The following NTRK2 variants were observed in gnomAD, a reference collection of about 807,000 sequenced individuals.
The protein encoded by NTRK2 is neurotrophic receptor tyrosine kinase 2, also known as BDNF/NT-3 growth factors receptor.
NTRK2 carries 13 observed loss-of-function variants against 94.5 expected under a neutral mutation model. The ratio of observed to expected loss-of-function variants is 0.14; its 90% CI spans 0.09 to 0.22. The LOEUF is 0.22. Ranked by LOEUF, NTRK2 falls within the 10% of genes least tolerant of loss-of-function variation. The probability of loss-of-function intolerance (pLI) is 1.00; values close to 1 mark genes in which losing one functional copy is unlikely to be tolerated. For synonymous variants in NTRK2, 372 were observed against 407.4 expected (o/e 0.91, Z 1.05); for missense variants, 639 against 1,071.2 (o/e 0.60, Z 5.63).
At chr9:84,819,813 G>GATCC (rs2072671077) in intron 12 of NTRK2, among the ~76,000 whole-genome samples, 1 of 152,156 alleles carries the variant, frequency 6.6e-6, no homozygotes, top group Non-Finnish European at 1.5e-5. Context: ...GTTGGTAAGG[G>GATCC]CTTCCCACTG....
chr9:84,948,363 T>G, intron 15 of NTRK2, 99 bp from the exon 16 acceptor site: 1 of 1,260,510 alleles, frequency 7.9e-7, no homozygotes, highest in Non-Finnish European at 1.1e-6. Flanking sequence ...ACTAGGCTGT[T>G]TTCTCATCTT....
intron 17 of NTRK2, among the ~76,000 whole-genome samples, chr9:85,007,198 G>T (rs1831067619): frequency 1.3e-5 from 2 of 152,222 alleles, no homozygotes; most frequent in Admixed American, 6.5e-5. Context: ...TGCTTTTGGT[G>T]CCTAAGAACA....
chr9:84,948,713 C>G (rs2132890895), intron 16 of NTRK2, 79 bp downstream of exon 16: 1 of 1,325,268 alleles, frequency 7.5e-7, no homozygotes, highest in Non-Finnish European at 1.1e-6. Context: ...TGGGAGGGAA[C>G]AAGGGACCCC....
At chr9:84,782,026 G>T (rs369487490) in intron 12 of NTRK2, among the ~76,000 whole-genome samples, 20 of 134,690 alleles carry the variant, frequency 1.5e-4, no homozygotes, top group East Asian at 1.3e-3. Context: ...TTATAAGATG[G>T]CCTCCAAGAA....
chr9:84,702,313 C>A, intron 3 of NTRK2, 35 bp from the exon 4 acceptor site: 1 of 1,610,388 alleles, frequency 6.2e-7, no homozygotes, highest in Non-Finnish European at 8.5e-7. Context: ...TTCACTGGTT[C>A]GTTCTAATGT....
At chr9:84,896,664 T>C (rs1345015904) in intron 14 of NTRK2, among the ~76,000 whole-genome samples, 1 of 152,212 alleles carries the variant, frequency 6.6e-6, no homozygotes, top group African/African-American at 2.4e-5. Flanking sequence ...CAAAATGCTT[T>C]TTTCCCCTAT....
chr9:84,830,803 C>T (rs1340495056), intron 12 of NTRK2, among the ~76,000 whole-genome samples: 1 of 151,828 alleles, frequency 6.6e-6, no homozygotes, highest in Non-Finnish European at 1.5e-5. Flanking sequence ...TTTAAAAATC[C>T]TACTGGCATT....
intron 12 of NTRK2, among the ~76,000 whole-genome samples, chr9:84,775,567 A>G (rs947959396): frequency 3.3e-5 from 5 of 152,168 alleles, no homozygotes; most frequent in African/African-American, 1.2e-4. Flanking sequence ...TTTGAATAGA[A>G]TGTGTATATA....
intron 12 of NTRK2, among the ~76,000 whole-genome samples, chr9:84,807,274 G>T (rs556198776): frequency 0.01 from 1,598 of 152,290 alleles, 13 homozygotes; most frequent in Admixed American, 0.017. Context: ...TGATAAAAAA[G>T]CAGAGCACTT....
chr9:84,695,836 CCTTTT>C (rs1430089790), intron 2 of NTRK2, among the ~76,000 whole-genome samples: 1 of 152,160 alleles, frequency 6.6e-6, no homozygotes, highest in Non-Finnish European at 1.5e-5. Flanking sequence ...CTTCTTAAAA[CCTTTT>C]CTTTTTGGCT....
intron 14 of NTRK2, among the ~76,000 whole-genome samples, chr9:84,904,791 C>T (rs1458164353): frequency 6.6e-6 from 1 of 152,170 alleles, no homozygotes; most frequent in Admixed American, 6.5e-5. Context: ...AAAGTCCAAT[C>T]TCTGGCTTTG....
intron 9 of NTRK2, 93 bp downstream of exon 9, chr9:84,728,052 C>A: frequency 8.4e-7 from 1 of 1,192,446 alleles, no homozygotes; most frequent in Non-Finnish European, 1.2e-6. Context: ...ATCCCCCAAC[C>A]TAGTGGCTTA....
intron 17 of NTRK2, among the ~76,000 whole-genome samples, chr9:85,013,906 G>C (rs537519264): frequency 3.9e-5 from 6 of 152,160 alleles, no homozygotes; most frequent in African/African-American, 9.7e-5. Flanking sequence ...GGCCTCCCAG[G>C]CATCATTGGT....
intron 12 of NTRK2, among the ~76,000 whole-genome samples, chr9:84,761,806 AT>A (rs2065593763): frequency 6.6e-6 from 1 of 152,198 alleles, no homozygotes; most frequent in Non-Finnish European, 1.5e-5. Flanking sequence ...TTTAGTTGGC[AT>A]TCCCAGTGAA....
intron 14 of NTRK2, among the ~76,000 whole-genome samples, chr9:84,915,706 G>A (rs1208787781): frequency 2.0e-5 from 3 of 152,116 alleles, no homozygotes; most frequent in African/African-American, 7.2e-5. Context: ...TGTACTTAGT[G>A]GGAAAAATTG....
chr9:85,014,107 A>G (rs1374514521), intron 17 of NTRK2, among the ~76,000 whole-genome samples: 1 of 152,194 alleles, frequency 6.6e-6, no homozygotes, highest in Non-Finnish European at 1.5e-5. Flanking sequence ...CCTTTGGGGA[A>G]GTAAGAGACA....
intron 14 of NTRK2, among the ~76,000 whole-genome samples, chr9:84,888,982 AT>A (rs71369159): frequency 0.43 from 43,656 of 100,694 alleles, 15,121 homozygotes; most frequent in South Asian, 0.6. Flanking sequence ...AATGACAGAA[AT>A]TTTTTTTTTT....
At chr9:84,998,090 T>A (rs1588147264) in intron 17 of NTRK2, among the ~76,000 whole-genome samples, 2 of 152,338 alleles carry the variant, frequency 1.3e-5, no homozygotes, top group East Asian at 3.9e-4. Flanking sequence ...AGCCTGTACA[T>A]GCTCAGCTTG....
intron 14 of NTRK2, among the ~76,000 whole-genome samples, chr9:84,921,725 A>G (rs1348649088): frequency 2.0e-5 from 3 of 152,204 alleles, no homozygotes; most frequent in East Asian, 1.9e-4. Context: ...GCAACTCCCA[A>G]TTCTTGGGAG....
Sources: allele counts gnomAD v4.1 joint callset (sites outside exome capture counted in the v4.1 genomes callset), GRCh38; gene constraint gnomAD v4.1.1; transcripts MANE v1.5; gene names NCBI Gene and HGNC (gene_info 2026-07-23, HGNC 2026-07-21).